RPS6KC1: variants seen among roughly 807,000 people sequenced by gnomAD.
RPS6KC1 encodes the protein inactive ribosomal protein S6 kinase delta-1.
In RPS6KC1, 54 loss-of-function variants were observed where a neutral mutation model predicts 103.8. The observed-to-expected ratio is 0.52, with a 90% CI of 0.42 to 0.65. RPS6KC1 has a LOEUF of 0.65. Among genes scored for constraint, RPS6KC1 ranks in the 30% least tolerant of loss-of-function variants. The probability of loss-of-function intolerance (pLI) is 0.00; values close to 1 mark genes in which losing one functional copy is unlikely to be tolerated. For synonymous variants in RPS6KC1, 439 were observed against 438.7 expected (o/e 1.00, Z -0.01); for missense variants, 1,151 against 1,253.8 (o/e 0.92, Z 1.24).
chr1:213,240,766 C>A lies in RPS6KC1; in HGVS notation c.1290C>A (p.Ile430=), dbSNP rs767513861. 6.8e-6 allele frequency: 11 copies of A among 1,613,606 alleles called. No individual in the cohort carries two copies. In the South Asian group the frequency reaches 1.2e-4, roughly 18 times the overall value. ...LNRSPEESFD[I]KEVKKPTLAK... is the part of the protein sequence containing the mutation. ...GAAGTCCTGAAGAAAGCTTTGACATCAAGGAAGTGAAAAAACCTACACTTG... is the reference window on the plus strand; with the variant it reads ...GAAGTCCTGAAGAAAGCTTTGACATAAAGGAAGTGAAAAAACCTACACTTG... The change falls in exon 11 of 15, where the codon ATC becomes ATA. Residue 430 remains isoleucine, a synonymous_variant. Transcript: ENST00000366960.
the RPS6KC1 span, among the ~76,000 whole-genome samples, chr1:213,417,182 G>T: frequency 6.3e-4 from 96 of 152,082 alleles, no homozygotes; most frequent in African/African-American, 2.2e-3. Flanking sequence ...TTCATTCGCC[G>T]GGCCCCAACC....
At chr1:213,181,372 T>G (rs1020744681) in intron 8 of RPS6KC1, among the ~76,000 whole-genome samples, 3 of 152,230 alleles carry the variant, frequency 2.0e-5, no homozygotes, top group African/African-American at 4.8e-5. Flanking sequence ...GCCTTCACAT[T>G]TTGTAATCAA....
intron 10 of RPS6KC1, among the ~76,000 whole-genome samples, chr1:213,240,256 C>T (rs890970763): frequency 6.6e-6 from 1 of 151,982 alleles, no homozygotes; most frequent in Non-Finnish European, 1.5e-5. Context: ...GTTGATTTTT[C>T]CCCCCATTGT....
At chr1:213,298,768 A>AT in the RPS6KC1 span, among the ~76,000 whole-genome samples, 4 of 151,884 alleles carry the variant, frequency 2.6e-5, no homozygotes, top group Admixed American at 1.3e-4. Flanking sequence ...TTATAATGTA[A>AT]TTTTTTAATC....
the RPS6KC1 span, among the ~76,000 whole-genome samples, chr1:213,355,368 C>T: frequency 5.3e-5 from 8 of 152,270 alleles, no homozygotes; most frequent in South Asian, 1.0e-3. Context: ...TTGCTACCCC[C>T]GTGCCCCCTT....
chr1:213,544,270 G>C, the RPS6KC1 span, among the ~76,000 whole-genome samples: 1 of 152,110 alleles, frequency 6.6e-6, no homozygotes, highest in African/African-American at 2.4e-5. Context: ...GGGCAGGGTG[G>C]TACTTGTGAC....
At chr1:213,355,147 A>G in the RPS6KC1 span, among the ~76,000 whole-genome samples, 134,164 of 152,044 alleles carry the variant, frequency 0.88, 61,126 homozygotes, top group Non-Finnish European at 1. Context: ...GAACCCAGGG[A>G]CAGAGGTTGC....
intron 8 of RPS6KC1, among the ~76,000 whole-genome samples, chr1:213,185,957 G>T (rs2092507938): frequency 6.7e-6 from 1 of 150,192 alleles, no homozygotes. Context: ...TTCATCTTAG[G>T]TCACAAATAA....
At chr1:213,383,092 A>G in the RPS6KC1 span, among the ~76,000 whole-genome samples, 1 of 152,134 alleles carries the variant, frequency 6.6e-6, no homozygotes, top group East Asian at 1.9e-4. Flanking sequence ...CAGAGCCTCC[A>G]AGCTGGGTCG....
At chr1:213,438,503 T>C in the RPS6KC1 span, among the ~76,000 whole-genome samples, 1 of 152,202 alleles carries the variant, frequency 6.6e-6, no homozygotes, top group Non-Finnish European at 1.5e-5. Flanking sequence ...CAGGTTTATA[T>C]GAGTTGGTTA....
At chr1:213,800,612 T>G in the RPS6KC1 span, among the ~76,000 whole-genome samples, 2 of 152,216 alleles carry the variant, frequency 1.3e-5, no homozygotes, top group Non-Finnish European at 2.9e-5. Flanking sequence ...CCTGGCCACC[T>G]GTAAGTAAAG....
chr1:213,211,176 T>C (rs1332577432), intron 8 of RPS6KC1, among the ~76,000 whole-genome samples: 3 of 152,252 alleles, frequency 2.0e-5, no homozygotes, highest in African/African-American at 7.2e-5. Context: ...TTTAACAGTG[T>C]CAAGTTATCA....
intron 5 of RPS6KC1, among the ~76,000 whole-genome samples, chr1:213,129,155 G>C (rs2085315216): frequency 6.6e-6 from 1 of 152,108 alleles, no homozygotes; most frequent in African/African-American, 2.4e-5. Flanking sequence ...AAAAAAGAGA[G>C]CTGAGATTCA....
the RPS6KC1 span, among the ~76,000 whole-genome samples, chr1:213,576,420 G>A: frequency 2.4e-3 from 343 of 143,570 alleles, 4 homozygotes; most frequent in African/African-American, 8.8e-3. Context: ...ACCCTGACTT[G>A]AGCAAGTCTA....
the RPS6KC1 span, among the ~76,000 whole-genome samples, chr1:213,419,630 A>G: frequency 6.6e-6 from 1 of 152,224 alleles, no homozygotes; most frequent in African/African-American, 2.4e-5. Flanking sequence ...CTAACATTCA[A>G]CTGCAACCAA....
chr1:213,513,503 CA>C, the RPS6KC1 span, among the ~76,000 whole-genome samples: 7 of 152,018 alleles, frequency 4.6e-5, no homozygotes, highest in African/African-American at 7.2e-5. Context: ...TTTAGGGTGG[CA>C]AAAAATAGGC....
chr1:213,503,764 T>G, the RPS6KC1 span, among the ~76,000 whole-genome samples: 1 of 152,210 alleles, frequency 6.6e-6, no homozygotes, highest in African/African-American at 2.4e-5. Context: ...CCAGCATTAG[T>G]AAGGATATGC....
At chr1:213,308,598 A>C in the RPS6KC1 span, among the ~76,000 whole-genome samples, 1 of 152,232 alleles carries the variant, frequency 6.6e-6, no homozygotes, top group Non-Finnish European at 1.5e-5. Flanking sequence ...ATTATGGGAA[A>C]CTTTTTGAAG....
chr1:213,647,204 C>A, the RPS6KC1 span, among the ~76,000 whole-genome samples: 1 of 152,260 alleles, frequency 6.6e-6, no homozygotes, highest in East Asian at 1.9e-4. Context: ...AGCCACCACA[C>A]CCGACTAGCA....
Sources: gnomAD v4.1 joint callset for allele counts (sites outside exome capture counted in the v4.1 genomes callset) on GRCh38, gnomAD v4.1.1 for gene constraint, MANE v1.5 for transcripts, NCBI Gene and HGNC (gene_info 2026-07-23, HGNC 2026-07-21) for gene names.